CTIF: variants seen among roughly 807,000 people sequenced by gnomAD.
CTIF encodes CBP80/20-dependent translation initiation factor.
CTIF carries 21 observed loss-of-function variants against 66.0 expected under a neutral mutation model. That is an observed-to-expected ratio of 0.32 (90% CI 0.23 to 0.46). The LOEUF (loss-of-function observed/expected upper bound fraction) is 0.46, where lower values mean the gene tolerates loss of function less well. CTIF is among the 20% of genes least tolerant of loss of function. The pLI is 1.00. For missense variants in CTIF, 739 were observed against 812.7 expected, an observed-to-expected ratio of 0.91 and a Z score of 1.10; for synonymous variants, 345 against 326.4, an observed-to-expected ratio of 1.06 and a Z score of -0.62.
chr18:48,624,910 T>C (rs1448072213), intron 2 of CTIF, among the ~76,000 whole-genome samples: 1 of 152,208 alleles, frequency 6.6e-6, no homozygotes, highest in Non-Finnish European at 1.5e-5. Flanking sequence ...TCACTTCCTA[T>C]AGCCCTATTT....
intron 7 of CTIF, among the ~76,000 whole-genome samples, chr18:48,730,298 TGAGGTGTGAGGG>T (rs2092429785): frequency 7.9e-6 from 1 of 126,712 alleles, no homozygotes; most frequent in African/African-American, 3.1e-5. Context: ...GAGGGGCCCC[TGAGGTGTGAGGG>T]GCTTCTGCGG....
chr18:48,629,090 T>C (rs1169474498), intron 2 of CTIF, among the ~76,000 whole-genome samples: 1 of 152,212 alleles, frequency 6.6e-6, no homozygotes, highest in African/African-American at 2.4e-5. Context: ...CAAGTCTCCC[T>C]TCAGGGAAAT....
At chr18:48,743,163 T>G (rs1319819238) in intron 7 of CTIF, among the ~76,000 whole-genome samples, 1 of 152,162 alleles carries the variant, frequency 6.6e-6, no homozygotes, top group African/African-American at 2.4e-5. Flanking sequence ...GCAAGCCTCA[T>G]TCATCTGGTC....
chr18:48,555,374 C>G (rs1481190794), intron 1 of CTIF, among the ~76,000 whole-genome samples: 1 of 152,220 alleles, frequency 6.6e-6, no homozygotes, highest in Non-Finnish European at 1.5e-5. Context: ...ATCTGAGTCC[C>G]CTTTGAGTGG....
intron 1 of CTIF, among the ~76,000 whole-genome samples, 189 bp from the exon 2 acceptor site, chr18:48,619,349 G>A (rs1230519332): frequency 6.6e-6 from 1 of 152,214 alleles, no homozygotes; most frequent in Non-Finnish European, 1.5e-5. Flanking sequence ...CCTACACAGT[G>A]GGAATTACAG....
At chr18:48,607,161 A>G (rs1461933111) in intron 1 of CTIF, among the ~76,000 whole-genome samples, 1 of 152,244 alleles carries the variant, frequency 6.6e-6, no homozygotes, top group East Asian at 1.9e-4. Flanking sequence ...AAGCAAAGGC[A>G]GAGGCAGCTG....
intron 1 of CTIF, among the ~76,000 whole-genome samples, chr18:48,546,265 G>A (rs575159383): frequency 6.6e-6 from 1 of 152,242 alleles, no homozygotes; most frequent in East Asian, 1.9e-4. Flanking sequence ...TCCAGTCTTT[G>A]CATGTTTGAA....
At chr18:48,660,325 C>A (rs1177035997) in intron 3 of CTIF, among the ~76,000 whole-genome samples, 1 of 152,186 alleles carries the variant, frequency 6.6e-6, no homozygotes, top group Non-Finnish European at 1.5e-5. Flanking sequence ...CCACCACCTG[C>A]TCCCCAGCTG....
chr18:48,586,276 CT>C (rs545720420), intron 1 of CTIF, among the ~76,000 whole-genome samples: 6,961 of 138,396 alleles, frequency 0.05, 164 homozygotes, highest in South Asian at 0.13. Flanking sequence ...CACACTTTTA[CT>C]TTTTTTTTTT....
intron 7 of CTIF, among the ~76,000 whole-genome samples, chr18:48,751,257 T>C (rs1289200569): frequency 6.6e-6 from 1 of 152,216 alleles, no homozygotes; most frequent in Non-Finnish European, 1.5e-5. Context: ...CAATAGCTTT[T>C]GAACCAGGGG....
intron 5 of CTIF, among the ~76,000 whole-genome samples, chr18:48,667,180 C>A (rs1313031326): frequency 2.6e-5 from 4 of 151,788 alleles, no homozygotes; most frequent in Admixed American, 1.3e-4. Context: ...GAAATATGAA[C>A]CTATTCATGA....
At chr18:48,755,270 G>A (rs1205930274) in intron 7 of CTIF, among the ~76,000 whole-genome samples, 1 of 152,248 alleles carries the variant, frequency 6.6e-6, no homozygotes, top group Non-Finnish European at 1.5e-5. Flanking sequence ...GAAAGTAACT[G>A]AGAAGTTAAA....
intron 3 of CTIF, among the ~76,000 whole-genome samples, chr18:48,654,938 C>G (rs573664306): frequency 6.6e-6 from 1 of 151,940 alleles, no homozygotes; most frequent in South Asian, 2.1e-4. Flanking sequence ...AACACTTGGA[C>G]ACAGGGCGGG....
At chr18:48,776,856 C>A (rs555249004) in intron 9 of CTIF, among the ~76,000 whole-genome samples, 3 of 152,174 alleles carry the variant, frequency 2.0e-5, no homozygotes, top group Admixed American at 6.5e-5. Flanking sequence ...AAAGGCTCGG[C>A]GTGGGAGGAG....
intron 2 of CTIF, among the ~76,000 whole-genome samples, chr18:48,627,298 A>T (rs2090620955): frequency 6.6e-6 from 1 of 152,202 alleles, no homozygotes; most frequent in African/African-American, 2.4e-5. Flanking sequence ...AAAGTCAAGA[A>T]CAAAACAACC....
chr18:48,692,886 G>T (rs2091951391), intron 6 of CTIF, among the ~76,000 whole-genome samples: 1 of 152,210 alleles, frequency 6.6e-6, no homozygotes, highest in South Asian at 2.1e-4. Flanking sequence ...ATACTGTGCA[G>T]TGTGGGAACC....
chr18:48,770,265 G>A (rs1267743681), intron 9 of CTIF, among the ~76,000 whole-genome samples: 1 of 152,218 alleles, frequency 6.6e-6, no homozygotes, highest in East Asian at 1.9e-4. Flanking sequence ...CCAGGGACCA[G>A]TGAGCTTCCT....
chr18:48,635,956 T>G (rs1276233853), intron 2 of CTIF, among the ~76,000 whole-genome samples: 1 of 152,218 alleles, frequency 6.6e-6, no homozygotes, highest in Admixed American at 6.5e-5. Flanking sequence ...ATGCTGATCC[T>G]CTGGCCCTGG....
At chr18:48,834,480 G>A (rs1020201239) in intron 10 of CTIF, among the ~76,000 whole-genome samples, 3 of 152,216 alleles carry the variant, frequency 2.0e-5, no homozygotes, top group Admixed American at 6.5e-5. Context: ...CCCTGATCCC[G>A]CTGTGTGGTT....
Sources: gnomAD v4.1 joint callset for allele counts (sites outside exome capture counted in the v4.1 genomes callset) on GRCh38, gnomAD v4.1.1 for gene constraint, MANE v1.5 for transcripts, NCBI Gene and HGNC (gene_info 2026-07-23, HGNC 2026-07-21) for gene names.